ZBTB16: variants seen among roughly 807,000 people sequenced by gnomAD.
ZBTB16 encodes zinc finger and BTB domain-containing protein 16.
A neutral mutation model predicts 56.8 loss-of-function variants in ZBTB16; 8 were observed. The observed-to-expected ratio is 0.14, with a 90% CI of 0.08 to 0.25. The LOEUF (loss-of-function observed/expected upper bound fraction) is 0.25. Ranked by LOEUF, ZBTB16 falls within the 10% of genes least tolerant of loss-of-function variation. The pLI, the probability that ZBTB16 is intolerant of heterozygous loss-of-function variation, is 1.00. For synonymous variants in ZBTB16, 363 were observed against 368.5 expected (o/e 0.98, Z 0.17); for missense variants, 625 against 903.0 (o/e 0.69, Z 3.95).
chr11:114,242,261 C>T lies in ZBTB16; in HGVS notation c.1548C>T (p.Arg516=), dbSNP rs1167478464. ...QQHMEVHAGV[R]SYICSECNRT... is the part of the protein sequence containing the mutation. ...ACATGGAGGTCCACGCGGGCGTGCG[C>T]AGCTACATCTGCAGTGAGTGCAACC... is the stretch of plus-strand genomic sequence containing the variant. Residue 516 remains arginine (R), a synonymous_variant, in exon 5 of 7, where the codon CGC becomes CGT. Coordinates refer to ENST00000335953, the MANE Select transcript of ZBTB16 (RefSeq NM_006006.6). 2 of 1,614,108 alleles carry T rather than the reference C, an allele frequency of 1.2e-6. No homozygotes were observed. The highest frequency in any genetic ancestry group is 1.7e-6 in the Non-Finnish European group (2 of 1,180,046).
At chr11:114,241,321 C>A (rs1219710005) in intron 4 of ZBTB16, among the ~76,000 whole-genome samples, 1 of 152,076 alleles carries the variant, frequency 6.6e-6, no homozygotes, top group African/African-American at 2.4e-5. Flanking sequence ...AGCCCTGCCA[C>A]TTACGAACTC....
chr11:114,139,125 T>C (rs912051749), intron 2 of ZBTB16, among the ~76,000 whole-genome samples: 1 of 152,242 alleles, frequency 6.6e-6, no homozygotes, highest in African/African-American at 2.4e-5. Context: ...TGAGGATTTG[T>C]ACAATGCAAG....
chr11:114,137,182 T>C lies in ZBTB16; in HGVS notation c.1269-19155T>C, dbSNP rs534836088. ...CTGCATGCAGCAGTGACCTTTGGAG[T>C]ACATTGTTCAGGAGACCGACCCTTT... On this transcript the variant is annotated intron_variant, in intron 2 of 6. Coordinates refer to ENST00000335953, the MANE Select transcript of ZBTB16 (RefSeq NM_006006.6). Among the ~76,000 whole-genome samples the C allele has an allele frequency of 1.1e-4, 17 of 152,236 alleles. No individual in the cohort carries two copies. In the South Asian group the frequency reaches 3.3e-3, roughly 30 times the overall value.
intron 2 of ZBTB16, among the ~76,000 whole-genome samples, chr11:114,139,558 C>T (rs181797397): frequency 4.0e-5 from 6 of 151,834 alleles, no homozygotes; most frequent in East Asian, 1.9e-4. Flanking sequence ...TTCTCCCCCC[C>T]CAAAGACCAG....
intron 4 of ZBTB16, among the ~76,000 whole-genome samples, chr11:114,192,492 C>T (rs1943520005): frequency 6.6e-6 from 1 of 152,216 alleles, no homozygotes; most frequent in African/African-American, 2.4e-5. Flanking sequence ...GAACACCAGT[C>T]AGCTGCTGTT....
At chr11:114,195,657 T>G (rs1943589181) in intron 4 of ZBTB16, among the ~76,000 whole-genome samples, 1 of 152,144 alleles carries the variant, frequency 6.6e-6, no homozygotes, top group South Asian at 2.1e-4. Flanking sequence ...TGGGATCTGG[T>G]GTCAGACTAT....
intron 6 of ZBTB16, among the ~76,000 whole-genome samples, chr11:114,249,657 C>T (rs1231335695): frequency 2.2e-5 from 3 of 138,978 alleles, no homozygotes; most frequent in Admixed American, 7.3e-5. Context: ...CCCAGCTACT[C>T]GGGAGGCTGA....
chr11:114,150,948 G>A (rs938227568), intron 2 of ZBTB16, among the ~76,000 whole-genome samples: 4 of 152,190 alleles, frequency 2.6e-5, no homozygotes. Context: ...ACAGGACCAG[G>A]AAGTTTGCAT....
intron 5 of ZBTB16, among the ~76,000 whole-genome samples, chr11:114,242,980 G>T (rs914100827): frequency 3.9e-5 from 6 of 152,192 alleles, no homozygotes; most frequent in Non-Finnish European, 1.5e-5. Context: ...AGGTAAGGAG[G>T]CTGGGCCAGG....
At chr11:114,234,808 G>T (rs746699180) in intron 4 of ZBTB16, among the ~76,000 whole-genome samples, 2 of 152,210 alleles carry the variant, frequency 1.3e-5, no homozygotes, top group Non-Finnish European at 2.9e-5. Flanking sequence ...GCCTGATGCT[G>T]CTTGCCTCTG....
chr11:114,064,381 G>T lies in ZBTB16; in HGVS notation c.1081G>T (p.Ala361Ser), dbSNP rs750494052. 5.0e-6 allele frequency: 8 copies of T among 1,613,974 alleles called. No individual in the cohort carries two copies. The African/African-American group carries it at 1.1e-4, about 22-fold the overall frequency. ...SVTSGLHVQP[A>S]LAVSMDFSTY... ...GACCTCTGGCCTCCACGTGCAGCCT[G>T]CCCTGGCTGTCTCCATGGACTTCAG... is the stretch of plus-strand genomic sequence containing the variant. Residue 361 changes from alanine to serine, a missense_variant, in exon 2 of 7, where the codon GCC (alanine) becomes TCC (serine). By Grantham distance (99) the Ala-to-Ser change is moderately conservative (BLOSUM62 1). Transcript: ENST00000335953. The surrounding 1 kb of genome is among the most constrained non-coding windows in gnomAD (Gnocchi z 4.2).
intron 2 of ZBTB16, among the ~76,000 whole-genome samples, chr11:114,082,116 C>CCAAA: frequency 7.2e-6 from 1 of 138,532 alleles, no homozygotes; most frequent in Non-Finnish European, 1.5e-5. Flanking sequence ...ACGATCTTTA[C>CCAAA]AAAAAAAAAA....
intron 2 of ZBTB16, among the ~76,000 whole-genome samples, chr11:114,137,717 C>T (rs536474399): frequency 1.3e-5 from 2 of 151,978 alleles, no homozygotes; most frequent in East Asian, 1.9e-4. Flanking sequence ...TGACCATGCC[C>T]TTTTTTTTGG....
chr11:114,228,197 C>G (rs776407683), intron 4 of ZBTB16, among the ~76,000 whole-genome samples: 3 of 152,156 alleles, frequency 2.0e-5, no homozygotes, highest in Non-Finnish European at 4.4e-5. Flanking sequence ...TTTTTAAAAA[C>G]CATTTGTAAT....
At chr11:114,127,968 A>G (rs1273175025) in intron 2 of ZBTB16, among the ~76,000 whole-genome samples, 1 of 152,106 alleles carries the variant, frequency 6.6e-6, no homozygotes, top group Admixed American at 6.5e-5. Context: ...ACTGAGAGGA[A>G]GTCCTTCCTC....
At chr11:114,177,590 G>T (rs1367112348) in intron 3 of ZBTB16, among the ~76,000 whole-genome samples, 1 of 152,096 alleles carries the variant, frequency 6.6e-6, no homozygotes, top group African/African-American at 2.4e-5. Flanking sequence ...GTTAACCTCC[G>T]AGAGATCTCT....
intron 2 of ZBTB16, among the ~76,000 whole-genome samples, chr11:114,137,594 GGAGA>G (rs1941831481): frequency 6.6e-6 from 1 of 152,194 alleles, no homozygotes; most frequent in Non-Finnish European, 1.5e-5. Flanking sequence ...GCCCGCTTGT[GGAGA>G]GAGGCCCGGA....
In ZBTB16 at chr11:114,107,184, C is replaced by T. The variant is rs534722556; in HGVS notation, c.1268+42616C>T. ...GAATCACAGAGGGATCAGTGACTTG[C>T]GCAAGGTCACGCTGTCAACAAGGGT... On this transcript the variant is annotated intron_variant, in intron 2 of 6. Coordinates refer to ENST00000335953, the MANE Select transcript of ZBTB16 (RefSeq NM_006006.6). Among the ~76,000 whole-genome samples, 8 of 152,228 alleles carry T rather than the reference C, an allele frequency of 5.3e-5. No individual in the cohort carries two copies. In the South Asian group the frequency reaches 6.2e-4, roughly 12 times the overall value.
intron 4 of ZBTB16, 75 bp from the exon 5 acceptor site, chr11:114,242,092 T>C: frequency 6.3e-7 from 1 of 1,583,606 alleles, no homozygotes; most frequent in Non-Finnish European, 8.6e-7. Flanking sequence ...CGACACTGGC[T>C]CTCACTCCAG....
Sources: gnomAD v4.1 joint callset for allele counts (sites outside exome capture counted in the v4.1 genomes callset) on GRCh38, gnomAD v4.1.1 for gene constraint, Gnocchi (gnomAD v3.1) non-coding constraint, MANE v1.5 for transcripts, NCBI Gene and HGNC (gene_info 2026-07-23, HGNC 2026-07-21) for gene names.